GALNT10: variants seen among roughly 807,000 people sequenced by gnomAD.
GALNT10 encodes the protein polypeptide N-acetylgalactosaminyltransferase 10.
GALNT10 carries 41 observed loss-of-function variants against 75.0 expected under a neutral mutation model. That is an observed-to-expected ratio of 0.55 (90% CI 0.43 to 0.71). The LOEUF (loss-of-function observed/expected upper bound fraction) is 0.71. Ranked by LOEUF, GALNT10 falls within the 30% of genes least tolerant of loss-of-function variation. The probability of loss-of-function intolerance (pLI) is 0.00; values close to 1 mark genes in which losing one functional copy is unlikely to be tolerated. For synonymous variants in GALNT10, 302 were observed against 313.0 expected (o/e 0.96, Z 0.37); for missense variants, 727 against 818.5 (o/e 0.89, Z 1.36).
intron 7 of GALNT10, among the ~76,000 whole-genome samples, chr5:154,393,172 C>T (rs765719667): frequency 9.9e-5 from 15 of 151,646 alleles, no homozygotes; most frequent in East Asian, 1.9e-4. Context: ...CCCCAGGGCT[C>T]GAGCAGTTGT....
At chr5:154,232,173 C>G (rs1416045862) in intron 1 of GALNT10, among the ~76,000 whole-genome samples, 5 of 152,252 alleles carry the variant, frequency 3.3e-5, no homozygotes, top group Admixed American at 2.6e-4. Context: ...ACCTCTACCT[C>G]TTAGTGCTGT....
chr5:154,217,863 C>T (rs1329070837), intron 1 of GALNT10: 3 of 273,718 alleles, frequency 1.1e-5, no homozygotes, highest in African/African-American at 4.6e-5. Flanking sequence ...ATTGTAAGAG[C>T]TCAAAAATAG....
At chr5:154,208,792 A>G (rs1376527279) in intron 1 of GALNT10, among the ~76,000 whole-genome samples, 1 of 152,256 alleles carries the variant, frequency 6.6e-6, no homozygotes, top group African/African-American at 2.4e-5. Flanking sequence ...TAGAGCGATG[A>G]AAATTGGCTA....
intron 7 of GALNT10, among the ~76,000 whole-genome samples, chr5:154,395,107 C>T (rs1414929178): frequency 6.6e-6 from 1 of 152,236 alleles, no homozygotes; most frequent in Non-Finnish European, 1.5e-5. Context: ...CACACACCTA[C>T]CTCATGGTGC....
intron 4 of GALNT10, among the ~76,000 whole-genome samples, chr5:154,365,221 TA>T (rs1755456479): frequency 6.6e-6 from 1 of 152,154 alleles, no homozygotes; most frequent in Non-Finnish European, 1.5e-5. Context: ...AGAAGGAGAA[TA>T]ATTCATTCTT....
chr5:154,277,120 G>A (rs1039164506), intron 1 of GALNT10, among the ~76,000 whole-genome samples: 2 of 152,038 alleles, frequency 1.3e-5, no homozygotes, highest in African/African-American at 4.8e-5. Context: ...CTCTGGCCTT[G>A]GCTGTGCTGA....
intron 1 of GALNT10, among the ~76,000 whole-genome samples, chr5:154,229,234 T>A (rs1263930499): frequency 6.6e-6 from 1 of 152,234 alleles, no homozygotes; most frequent in Non-Finnish European, 1.5e-5. Context: ...GGGCTTTACA[T>A]CTTTCCCTCT....
chr5:154,286,160 A>G (rs570810541), intron 1 of GALNT10, among the ~76,000 whole-genome samples: 14 of 152,302 alleles, frequency 9.2e-5, no homozygotes, highest in African/African-American at 2.9e-4. Context: ...ATGAAAGTCT[A>G]CATTTCCCCA....
intron 7 of GALNT10, among the ~76,000 whole-genome samples, chr5:154,393,245 T>C (rs1162356227): frequency 6.6e-6 from 1 of 151,980 alleles, no homozygotes; most frequent in Non-Finnish European, 1.5e-5. Flanking sequence ...GGCTAATTTT[T>C]TAATATTTTG....
intron 4 of GALNT10, among the ~76,000 whole-genome samples, chr5:154,361,450 G>T (rs957974332): frequency 6.6e-6 from 1 of 152,214 alleles, no homozygotes; most frequent in East Asian, 1.9e-4. Flanking sequence ...CTTAGCACAT[G>T]CCTGGTGCAG....
chr5:154,330,842 G>A (rs192741268), intron 4 of GALNT10, among the ~76,000 whole-genome samples: 3 of 151,816 alleles, frequency 2.0e-5, no homozygotes, highest in Admixed American at 6.5e-5. Context: ...CCTGCCCATC[G>A]CCCCGTTTTA....
chr5:154,306,708 A>C (rs571021418), intron 3 of GALNT10, among the ~76,000 whole-genome samples: 48 of 152,204 alleles, frequency 3.2e-4, no homozygotes, highest in Admixed American at 2.6e-3. Context: ...AAAATCAAGG[A>C]AACCAAAAGC....
intron 4 of GALNT10, among the ~76,000 whole-genome samples, chr5:154,373,735 G>C (rs139282117): frequency 6.6e-6 from 1 of 152,132 alleles, no homozygotes. Context: ...GCAACGGCCC[G>C]ATTTTGTGTA....
In GALNT10 at chr5:154,294,891, G is replaced by T; in HGVS notation, c.235G>T (p.Ala79Ser). 1 of 1,593,040 alleles carries T rather than the reference G, an allele frequency of 6.3e-7. No homozygotes were observed. The highest frequency in any genetic ancestry group is 8.6e-7 in the Non-Finnish European group (1 of 1,160,768). The part of the protein sequence containing the change: ...QKLKDWHDKE[A>S]IRRDAQRVGN... ...GCTGAAGGACTGGCATGACAAGGAGGCCATCCGGAGGGACGCTCAGCGCGT... is the reference window on the plus strand; with the variant it reads ...GCTGAAGGACTGGCATGACAAGGAGTCCATCCGGAGGGACGCTCAGCGCGT... Residue 79 changes from alanine to serine, a missense_variant, in exon 2 of 12, where the codon GCC becomes TCC. By Grantham distance (99) the Ala-to-Ser change is moderately conservative. Transcript: ENST00000297107.
chr5:154,224,041 G>C (rs1753024807), intron 1 of GALNT10, among the ~76,000 whole-genome samples: 1 of 152,226 alleles, frequency 6.6e-6, no homozygotes, highest in Admixed American at 6.5e-5. Context: ...TTTCCTTAAG[G>C]GGAACAGAGA....
Position 154,409,743 on chromosome 5 carries a change from C to T in GALNT10, c.1367C>T (p.Pro456Leu), listed in dbSNP as rs200478812. Residue 456 changes from proline to leucine, a missense_variant, in exon 9 of 12, where the codon CCG becomes CTG. Physicochemically the swap from Pro to Leu is moderately conservative, Grantham distance 98. Coordinates refer to ENST00000297107, the MANE Select transcript of GALNT10 (RefSeq NM_198321.4). The surrounding 1 kb of genome is among the most constrained non-coding windows in gnomAD (Gnocchi z 4.5). Reference protein sequence around the residue: ...LPKFYPPVEPPAAAWGEIRNV... With the variant: ...LPKFYPPVEPLAAAWGEIRNV... ...AAATTCTACCCACCCGTGGAGCCCCCGGCTGCAGCTTGGGGGGAGGTGAGT... is the reference window on the plus strand; with the variant it reads ...AAATTCTACCCACCCGTGGAGCCCCTGGCTGCAGCTTGGGGGGAGGTGAGT... 1.9e-5 allele frequency: 31 copies of T among 1,612,760 alleles called. No individual in the cohort carries two copies. The highest frequency in any genetic ancestry group is 8.9e-5 in the East Asian group (4 of 44,876).
At chr5:154,251,029 T>C (rs1473298306) in intron 1 of GALNT10, among the ~76,000 whole-genome samples, 3 of 152,190 alleles carry the variant, frequency 2.0e-5, no homozygotes, top group African/African-American at 7.2e-5. Context: ...CTTGTCCCTA[T>C]CTTTTTTAGA....
intron 1 of GALNT10, among the ~76,000 whole-genome samples, chr5:154,195,684 G>A (rs577376890): frequency 1.3e-5 from 2 of 152,312 alleles, no homozygotes; most frequent in Non-Finnish European, 2.9e-5. Context: ...AGGGAGGAAC[G>A]CAGATCAGAA....
intron 2 of GALNT10, among the ~76,000 whole-genome samples, chr5:154,296,158 C>CTTAA (rs1445617038): frequency 6.6e-6 from 1 of 152,148 alleles, no homozygotes; most frequent in African/African-American, 2.4e-5. Flanking sequence ...GCAATCTTTG[C>CTTAA]TTAATGCAAC....
Sources: allele counts gnomAD v4.1 joint callset (sites outside exome capture counted in the v4.1 genomes callset), GRCh38; gene constraint gnomAD v4.1.1; non-coding constraint Gnocchi (gnomAD v3.1); transcripts MANE v1.5; gene names NCBI Gene and HGNC (gene_info 2026-07-23, HGNC 2026-07-21).